Variants in ECHDC1 observed in about 807,000 individuals in gnomAD.
ECHDC1 encodes ethylmalonyl-CoA decarboxylase.
A neutral mutation model predicts 29.7 loss-of-function variants in ECHDC1; 29 were observed. The observed-to-expected ratio is 0.98, with a 90% CI of 0.73 to 1.33. The LOEUF (loss-of-function observed/expected upper bound fraction) is 1.33, where lower values mean the gene tolerates loss of function less well. ECHDC1 is among the 40% of genes most tolerant of loss of function. The probability of loss-of-function intolerance (pLI) is 0.00; values close to 1 mark genes in which losing one functional copy is unlikely to be tolerated. For missense variants in ECHDC1, 328 were observed against 350.0 expected (o/e 0.94, Z 0.50); for synonymous variants, 126 against 123.1 (o/e 1.02, Z -0.15).
chr6:127,312,310 A>G (rs1249171334), intron 5 of ECHDC1, among the ~76,000 whole-genome samples: 3 of 152,202 alleles, frequency 2.0e-5, no homozygotes, highest in African/African-American at 7.2e-5. Flanking sequence ...GATATGGCCA[A>G]TAAACACAAG....
intron 1 of ECHDC1, among the ~76,000 whole-genome samples, chr6:127,336,730 T>G (rs1477118556): frequency 6.6e-6 from 1 of 152,136 alleles, no homozygotes; most frequent in Non-Finnish European, 1.5e-5. Context: ...AAAATTCAAG[T>G]CTACGGAAAA....
At chr6:127,343,302 T>C (rs762245980) in intron 1 of ECHDC1, 34 bp downstream of exon 1, 1 of 152,318 alleles carries the variant, frequency 6.6e-6, no homozygotes, top group Non-Finnish European at 1.5e-5. Context: ...AACACTAAAC[T>C]GAAGCGCTAA....
At chr6:127,322,659 T>TATAC (rs1554244182) in intron 3 of ECHDC1, among the ~76,000 whole-genome samples, 2 of 151,304 alleles carry the variant, frequency 1.3e-5, no homozygotes, top group Non-Finnish European at 3.0e-5. Context: ...TATATATATA[T>TATAC]ACAATGATGT....
At chr6:127,295,484 G>T (rs1780524935) in intron 5 of ECHDC1, among the ~76,000 whole-genome samples, 1 of 152,136 alleles carries the variant, frequency 6.6e-6, no homozygotes, top group South Asian at 2.1e-4. Flanking sequence ...AATGGGAAAA[G>T]AAAATGCAGA....
At chr6:127,326,419 C>A in intron 3 of ECHDC1, 1 of 352,080 alleles carries the variant, frequency 2.8e-6, no homozygotes, top group Non-Finnish European at 6.0e-6. Context: ...ATAAACTACC[C>A]AGTCTCAGGT....
chr6:127,336,402 T>G (rs190853068), intron 1 of ECHDC1, among the ~76,000 whole-genome samples: 51 of 152,298 alleles, frequency 3.3e-4, no homozygotes, highest in Middle Eastern at 3.4e-3. Flanking sequence ...ATTCCCCATA[T>G]TTAACTTATC....
At chr6:127,319,572 C>A (rs1368888141) in intron 3 of ECHDC1, among the ~76,000 whole-genome samples, 5 of 152,068 alleles carry the variant, frequency 3.3e-5, no homozygotes, top group African/African-American at 1.2e-4. Context: ...TTATTAAGCC[C>A]ACAATGGTTA....
At chr6:127,340,898 GGTCT>G (rs139557292) in intron 1 of ECHDC1, among the ~76,000 whole-genome samples, 2 of 152,142 alleles carry the variant, frequency 1.3e-5, no homozygotes, top group East Asian at 1.9e-4. Context: ...CATTGTAAAG[GGTCT>G]GTCTGCTCTG....
At chr6:127,315,271 T>A in intron 4 of ECHDC1, 1 of 373,342 alleles carries the variant, frequency 2.7e-6, no homozygotes, top group Non-Finnish European at 5.2e-6. Context: ...TGTGATATTA[T>A]CTTTGTCCAT....
intron 3 of ECHDC1, among the ~76,000 whole-genome samples, chr6:127,326,074 A>G (rs1783304659): frequency 6.6e-6 from 1 of 152,148 alleles, no homozygotes; most frequent in Admixed American, 6.5e-5. Flanking sequence ...TAAAGTAACA[A>G]TGTGGGTTGA....
intron 5 of ECHDC1, among the ~76,000 whole-genome samples, chr6:127,309,184 A>C (rs1421298395): frequency 6.6e-6 from 1 of 152,172 alleles, no homozygotes; most frequent in Non-Finnish European, 1.5e-5. Flanking sequence ...TGGAGGAATC[A>C]CATTACCTGA....
intron 1 of ECHDC1, among the ~76,000 whole-genome samples, chr6:127,341,819 A>T (rs1562340505): frequency 6.6e-6 from 1 of 152,274 alleles, no homozygotes; most frequent in East Asian, 1.9e-4. Flanking sequence ...ACGCAAACTC[A>T]TACTTAAAAA....
rs1206829790 is a variant in ECHDC1, at chr6:127,290,287, A to C, written c.498-10T>G. ...CTCTGGAGTCATTAACCTGTAAAAG[A>C]AAAAAGAAAAGCTTAATTGTAACTC... is the stretch of plus-strand genomic sequence containing the variant. On this transcript the variant is annotated splice_polypyrimidine_tract_variant and intron_variant, in intron 5 of 5. Coordinates refer to ENST00000454859, the MANE Select transcript of ECHDC1 (RefSeq NM_001002030.2). 1.9e-6 allele frequency: 3 copies of C among 1,602,436 alleles called. No homozygotes were observed. The East Asian group carries it at 6.7e-5, about 36-fold the overall frequency.
At chr6:127,326,832 T>C in intron 3 of ECHDC1, 170 bp downstream of exon 3, 1 of 628,834 alleles carries the variant, frequency 1.6e-6, no homozygotes, top group Non-Finnish European at 2.6e-6. Flanking sequence ...ATCATTTGCT[T>C]GTTATATTGT....
chr6:127,291,276 C>CTTTT (rs57066162), intron 5 of ECHDC1, among the ~76,000 whole-genome samples: 322 of 133,252 alleles, frequency 2.4e-3, no homozygotes, highest in African/African-American at 3.1e-3. Flanking sequence ...GCTCTTATAC[C>CTTTT]TTTTTTTTTT....
chr6:127,316,670 A>AT (rs1005302966), intron 3 of ECHDC1, among the ~76,000 whole-genome samples, 168 bp from the exon 4 acceptor site: 2 of 152,100 alleles, frequency 1.3e-5, no homozygotes, highest in Non-Finnish European at 2.9e-5. Flanking sequence ...ATAATGCTGT[A>AT]TTTGACTGTT....
chr6:127,310,399 A>C (rs972575519), intron 5 of ECHDC1, among the ~76,000 whole-genome samples: 4 of 152,148 alleles, frequency 2.6e-5, no homozygotes, highest in African/African-American at 9.7e-5. Context: ...AAAAATTAAA[A>C]AAAAAAAGTT....
chr6:127,331,993 G>T, intron 1 of ECHDC1: 1 of 441,520 alleles, frequency 2.3e-6, no homozygotes, highest in Non-Finnish European at 3.0e-6. Context: ...AGCTTTTCTT[G>T]CCCTATGTAA....
chr6:127,318,985 T>C (rs1054109618), intron 3 of ECHDC1, among the ~76,000 whole-genome samples: 1 of 152,236 alleles, frequency 6.6e-6, no homozygotes. Context: ...TAAAATCTGT[T>C]CTATTACCTA....
Sources: gnomAD v4.1 joint callset for allele counts (sites outside exome capture counted in the v4.1 genomes callset) on GRCh38, gnomAD v4.1.1 for gene constraint, MANE v1.5 for transcripts, NCBI Gene and HGNC (gene_info 2026-07-23, HGNC 2026-07-21) for gene names.